Variants in UGGT2 observed in about 807,000 individuals in gnomAD.
The protein encoded by UGGT2 is UDP-glucose:glycoprotein glucosyltransferase 2.
Under a neutral mutation model 192.1 loss-of-function variants are expected in UGGT2, and 180 were observed. That is an observed-to-expected ratio of 0.94 (90% CI 0.83 to 1.06). The LOEUF is 1.06. Ranked by LOEUF, UGGT2 falls within the 50% of genes least tolerant of loss-of-function variation. The probability of loss-of-function intolerance (pLI) is 0.00; values close to 1 mark genes in which losing one functional copy is unlikely to be tolerated. For missense variants in UGGT2, 1,849 were observed against 1,795.7 expected, an observed-to-expected ratio of 1.03 and a Z score of -0.54; for synonymous variants, 580 against 591.0, an observed-to-expected ratio of 0.98 and a Z score of 0.27.
intron 15 of UGGT2, among the ~76,000 whole-genome samples, chr13:95,943,182 T>C (rs1205203111): frequency 1.3e-5 from 2 of 152,142 alleles, no homozygotes; most frequent in African/African-American, 4.8e-5. Context: ...ATTTTGAGTC[T>C]TCATTCTTCC....
intron 12 of UGGT2, among the ~76,000 whole-genome samples, chr13:95,964,301 A>G (rs1024455121): frequency 6.6e-6 from 1 of 152,312 alleles, no homozygotes. Flanking sequence ...ATCACTTACC[A>G]TGTACAGAAA....
chr13:96,023,278 T>TA (rs2052567345), intron 3 of UGGT2, 126 bp from the exon 4 acceptor site: 2 of 717,380 alleles, frequency 2.8e-6, no homozygotes, highest in Admixed American at 3.9e-5. Context: ...CTAATTAAAG[T>TA]AAAAAAACAT....
intron 34 of UGGT2, 26 bp downstream of exon 34, chr13:95,856,131 AC>A (rs1566595897): frequency 6.4e-7 from 1 of 1,561,960 alleles, no homozygotes. Flanking sequence ...TTTGCGTATT[AC>A]TAAAAATAGT....
At chr13:95,933,578 A>C (rs2049360254) in intron 17 of UGGT2, among the ~76,000 whole-genome samples, 1 of 150,832 alleles carries the variant, frequency 6.6e-6, no homozygotes, top group South Asian at 2.1e-4. Flanking sequence ...GATTTTAGTT[A>C]TTTCTTTTCT....
intron 26 of UGGT2, chr13:95,887,338 A>C (rs980939271): frequency 2.0e-6 from 1 of 511,038 alleles, no homozygotes; most frequent in Admixed American, 2.0e-5. Context: ...ATGGCTCATA[A>C]TGAATGACAG....
intron 38 of UGGT2, among the ~76,000 whole-genome samples, chr13:95,807,690 C>T (rs1165367816): frequency 2.1e-5 from 3 of 144,640 alleles, no homozygotes; most frequent in South Asian, 2.2e-4. Flanking sequence ...TCTAGAAATC[C>T]GTATCTTGAA....
At chr13:95,966,676 T>C (rs1435609180) in intron 12 of UGGT2, among the ~76,000 whole-genome samples, 1 of 152,182 alleles carries the variant, frequency 6.6e-6, no homozygotes, top group African/African-American at 2.4e-5. Flanking sequence ...CTCATAAATA[T>C]GTAAAATATT....
chr13:95,966,291 C>G (rs1016325866), intron 12 of UGGT2, among the ~76,000 whole-genome samples: 4 of 152,048 alleles, frequency 2.6e-5, no homozygotes, highest in African/African-American at 9.7e-5. Context: ...AAGCCAGATA[C>G]AGAAAGACCA....
chr13:96,016,970 G>A lies in UGGT2; in HGVS notation c.486-3489C>T, dbSNP rs374488009. ...CCACCAGGATGTACATCACGATGTG[G>A]GACATGGAGTCAAGGATTACATGAC... On this transcript the variant is annotated intron_variant, in intron 4 of 38. Transcript: ENST00000376747. Among the ~76,000 whole-genome samples, 59 of 152,280 alleles carry A rather than the reference G, an allele frequency of 3.9e-4. 2 individuals carry two copies. The South Asian group carries it at 0.012, about 30-fold the overall frequency.
chr13:96,001,137 CCT>C (rs1429189033), intron 5 of UGGT2, among the ~76,000 whole-genome samples: 2 of 152,190 alleles, frequency 1.3e-5, no homozygotes, highest in Non-Finnish European at 2.9e-5. Flanking sequence ...CATCGCATCC[CCT>C]GTGACTTGCA....
chr13:95,851,875 A>T (rs2140024780), intron 36 of UGGT2, among the ~76,000 whole-genome samples: 1 of 152,234 alleles, frequency 6.6e-6, no homozygotes, highest in Admixed American at 6.5e-5. Flanking sequence ...ATAGACTTTC[A>T]TTCATATTTA....
At chr13:95,968,687 G>A (rs529550715) in intron 12 of UGGT2, among the ~76,000 whole-genome samples, 2 of 152,266 alleles carry the variant, frequency 1.3e-5, no homozygotes, top group Non-Finnish European at 2.9e-5. Flanking sequence ...TTGGCACCAT[G>A]CTTCCTATAA....
Position 95,862,484 on chromosome 13 carries a change from A to G in UGGT2, c.3644+1145T>C, listed in dbSNP as rs943391743. On this transcript the variant is annotated intron_variant, in intron 31 of 38. Coordinates refer to ENST00000376747, the MANE Select transcript of UGGT2 (RefSeq NM_020121.4). ...GTTCCCCTTCTAGTAACAACCTGGT[A>G]TTTTGGGGGGAATCATTCCTCCTCC... Among the ~76,000 whole-genome samples the G allele has an allele frequency of 5.3e-5, 8 of 152,224 alleles. No individual in the cohort carries two copies. In the East Asian group the frequency reaches 1.2e-3, roughly 22 times the overall value.
intron 20 of UGGT2, among the ~76,000 whole-genome samples, chr13:95,911,135 G>C (rs2048480694): frequency 1.3e-5 from 2 of 152,126 alleles, no homozygotes; most frequent in Non-Finnish European, 2.9e-5. Flanking sequence ...AGAGAAAGCA[G>C]GAAAGATCTA....
At chr13:95,816,035 G>A (rs931621175) in intron 38 of UGGT2, among the ~76,000 whole-genome samples, 5 of 152,094 alleles carry the variant, frequency 3.3e-5, no homozygotes, top group Non-Finnish European at 5.9e-5. Context: ...CTCCTGCTTT[G>A]CCTTCCACCA....
At chr13:95,907,072 C>T (rs1013606644) in intron 20 of UGGT2, among the ~76,000 whole-genome samples, 4 of 152,206 alleles carry the variant, frequency 2.6e-5, no homozygotes, top group African/African-American at 9.6e-5. Context: ...GTGATTTTCC[C>T]AAGGTCTTAG....
chr13:96,014,572 G>C (rs2052268267), intron 4 of UGGT2, among the ~76,000 whole-genome samples: 1 of 152,100 alleles, frequency 6.6e-6, no homozygotes. Flanking sequence ...GTCAATGCTT[G>C]GACAGCTGAA....
chr13:95,920,111 C>T (rs1385781725), intron 20 of UGGT2, among the ~76,000 whole-genome samples: 1 of 152,200 alleles, frequency 6.6e-6, no homozygotes, highest in African/African-American at 2.4e-5. Context: ...AAAGGGTTCC[C>T]TATTTAATAA....
chr13:95,941,654 C>G (rs2049684077), intron 15 of UGGT2, among the ~76,000 whole-genome samples: 1 of 152,150 alleles, frequency 6.6e-6, no homozygotes, highest in South Asian at 2.1e-4. Context: ...GTCAGAATGC[C>G]TCACATAAGT....
Sources: allele counts gnomAD v4.1 joint callset (sites outside exome capture counted in the v4.1 genomes callset), GRCh38; gene constraint gnomAD v4.1.1; transcripts MANE v1.5; gene names NCBI Gene and HGNC (gene_info 2026-07-23, HGNC 2026-07-21).